ANKS1B: variants seen among roughly 807,000 people sequenced by gnomAD.
The protein encoded by ANKS1B is ankyrin repeat and sterile alpha motif domain-containing protein 1B.
ANKS1B carries 36 observed loss-of-function variants against 148.3 expected under a neutral mutation model. The ratio of observed to expected loss-of-function variants is 0.24; its 90% confidence interval spans 0.19 to 0.32. ANKS1B has a LOEUF of 0.32. Among genes scored for constraint, ANKS1B ranks in the 10% least tolerant of loss-of-function variants. The probability of loss-of-function intolerance (pLI) is 1.00; values close to 1 mark genes in which losing one functional copy is unlikely to be tolerated. For synonymous variants in ANKS1B, 542 were observed against 560.8 expected (o/e 0.97, Z 0.47); for missense variants, 1,157 against 1,542.6 (o/e 0.75, Z 4.19).
intron 19 of ANKS1B, among the ~76,000 whole-genome samples, chr12:98,812,250 G>C (rs1023299097): frequency 6.6e-6 from 1 of 152,148 alleles, no homozygotes; most frequent in Non-Finnish European, 1.5e-5. Context: ...AGTAAAGCTA[G>C]AGCCAGACTT....
chr12:99,909,864 T>C (rs1369741894), intron 1 of ANKS1B, among the ~76,000 whole-genome samples: 1 of 152,148 alleles, frequency 6.6e-6, no homozygotes, highest in Non-Finnish European at 1.5e-5. Context: ...ATTTGGGTAA[T>C]GTTAGGTACA....
intron 8 of ANKS1B, among the ~76,000 whole-genome samples, chr12:99,726,775 G>A (rs1246723717): frequency 2.6e-5 from 4 of 151,996 alleles, no homozygotes; most frequent in Non-Finnish European, 1.5e-5. Context: ...GCAGCACATT[G>A]GAAAACTTAT....
At chr12:99,282,389 A>G (rs1191312580) in intron 12 of ANKS1B, among the ~76,000 whole-genome samples, 3 of 152,192 alleles carry the variant, frequency 2.0e-5, no homozygotes, top group Non-Finnish European at 2.9e-5. Flanking sequence ...ACCTTGCCTT[A>G]CTTTTATAGG....
chr12:99,744,994 A>G (rs2060463780), intron 8 of ANKS1B, among the ~76,000 whole-genome samples: 1 of 141,158 alleles, frequency 7.1e-6, no homozygotes. Context: ...TCTGTCTCAA[A>G]AAAAAAAAAA....
At chr12:99,396,949 T>C (rs1428395273) in intron 12 of ANKS1B, among the ~76,000 whole-genome samples, 2 of 152,248 alleles carry the variant, frequency 1.3e-5, no homozygotes, top group Non-Finnish European at 2.9e-5. Flanking sequence ...TTTTCAAATC[T>C]GGAACTAGTC....
intron 14 of ANKS1B, among the ~76,000 whole-genome samples, chr12:99,203,218 T>C (rs1462583440): frequency 6.6e-6 from 1 of 152,142 alleles, no homozygotes. Context: ...TAGGGTGAGC[T>C]CCTTACCAAG....
chr12:98,816,137 C>T (rs2099138011), intron 19 of ANKS1B, among the ~76,000 whole-genome samples: 1 of 152,120 alleles, frequency 6.6e-6, no homozygotes, highest in Non-Finnish European at 1.5e-5. Context: ...ACATGTTCTC[C>T]CTCTGGCTAC....
chr12:98,908,778 G>A (rs1481964868), intron 17 of ANKS1B, among the ~76,000 whole-genome samples: 1 of 152,322 alleles, frequency 6.6e-6, no homozygotes, highest in Middle Eastern at 3.4e-3. Flanking sequence ...CAAAGAAAGA[G>A]TTGGTGAGGG....
rs76826621 is a variant in ANKS1B, at chr12:99,108,692, G to A, written c.2527-23669C>T. On this transcript the variant is annotated intron_variant, in intron 15 of 26. Transcript: ENST00000683438. Reference sequence around the variant, plus strand: ...ACAGATAAGAAGGTAGGTGACTAAAGAAATGGTTGCCGAGAAAAAGTATGA... The same window carrying A: ...ACAGATAAGAAGGTAGGTGACTAAAAAAATGGTTGCCGAGAAAAAGTATGA... Among the ~76,000 whole-genome samples, 593 of 152,248 alleles carry A rather than the reference G, an allele frequency of 3.9e-3. 23 individuals carry two copies. In the East Asian group the frequency reaches 0.084, roughly 21 times the overall value.
intron 15 of ANKS1B, among the ~76,000 whole-genome samples, chr12:99,121,321 A>ATGTGTATGTGTGTG (rs1555270006): frequency 3.5e-5 from 5 of 142,858 alleles, no homozygotes; most frequent in African/African-American, 1.3e-4. Flanking sequence ...GTATGTAGGT[A>ATGTGTATGTGTGTG]TGTGTGTGTG....
At chr12:99,339,275 C>T (rs1423895586) in intron 12 of ANKS1B, among the ~76,000 whole-genome samples, 1 of 152,166 alleles carries the variant, frequency 6.6e-6, no homozygotes, top group African/African-American at 2.4e-5. Context: ...GCTGACTTCT[C>T]CCCTGTGTTG....
intron 14 of ANKS1B, among the ~76,000 whole-genome samples, chr12:99,232,768 C>T (rs2153953467): frequency 6.6e-6 from 1 of 152,280 alleles, no homozygotes; most frequent in African/African-American, 2.4e-5. Flanking sequence ...TAACTACAAT[C>T]CTCAGTGATC....
intron 1 of ANKS1B, among the ~76,000 whole-genome samples, chr12:99,912,766 A>G (rs1169382957): frequency 1.3e-5 from 2 of 152,110 alleles, no homozygotes; most frequent in Non-Finnish European, 2.9e-5. Flanking sequence ...TATATAATCT[A>G]TTATATCTAT....
intron 14 of ANKS1B, among the ~76,000 whole-genome samples, chr12:99,225,014 A>G (rs2085680405): frequency 6.6e-6 from 1 of 152,188 alleles, no homozygotes; most frequent in Admixed American, 6.5e-5. Flanking sequence ...AAGGAAAAAC[A>G]ACATTGATGT....
At chr12:99,126,345 A>T (rs2064334047) in intron 15 of ANKS1B, among the ~76,000 whole-genome samples, 1 of 152,176 alleles carries the variant, frequency 6.6e-6, no homozygotes, top group Non-Finnish European at 1.5e-5. Flanking sequence ...AGAGGAAGAA[A>T]GGGGGTAGGG....
chr12:99,045,637 C>T (rs929628527), intron 17 of ANKS1B, among the ~76,000 whole-genome samples: 8 of 152,134 alleles, frequency 5.3e-5, no homozygotes, highest in African/African-American at 1.9e-4. Flanking sequence ...TGCTTCTGGC[C>T]AAGATGGAAT....
chr12:98,915,109 G>A (rs749015281), intron 17 of ANKS1B, among the ~76,000 whole-genome samples: 5 of 151,890 alleles, frequency 3.3e-5, no homozygotes, highest in Admixed American at 6.6e-5. Flanking sequence ...ATTTGGGAAC[G>A]AGGTCATTAC....
chr12:98,949,187 C>T (rs113697677), intron 17 of ANKS1B, among the ~76,000 whole-genome samples: 2,021 of 151,880 alleles, frequency 0.013, 41 homozygotes, highest in African/African-American at 0.047. Context: ...CTCCTGACCT[C>T]GTGATCTGCC....
At chr12:99,597,773 C>T (rs1015398823) in intron 9 of ANKS1B, among the ~76,000 whole-genome samples, 10 of 151,858 alleles carry the variant, frequency 6.6e-5, no homozygotes, top group East Asian at 1.9e-4. Context: ...CATCGAATGG[C>T]GCCTATAAAA....
Sources: gnomAD v4.1 joint callset for allele counts (sites outside exome capture counted in the v4.1 genomes callset) on GRCh38, gnomAD v4.1.1 for gene constraint, MANE v1.5 for transcripts, NCBI Gene and HGNC (gene_info 2026-07-23, HGNC 2026-07-21) for gene names.